The following EPS15L1 variants were observed in gnomAD, a reference collection of about 807,000 sequenced individuals.
The protein encoded by EPS15L1 is epidermal growth factor receptor pathway substrate 15 like 1.
Under a neutral mutation model 117.1 loss-of-function variants are expected in EPS15L1, and 43 were observed. The observed-to-expected ratio is 0.37, with a 90% CI of 0.29 to 0.47. The LOEUF is 0.47. EPS15L1 is among the 20% of genes least tolerant of loss of function. The pLI is 0.99. For missense variants in EPS15L1, 981 were observed against 1,164.0 expected (o/e 0.84, Z 2.29); for synonymous variants, 459 against 470.5 (o/e 0.98, Z 0.32).
chr19:16,391,288 T>C (rs2092471535), intron 19 of EPS15L1, among the ~76,000 whole-genome samples: 1 of 152,078 alleles, frequency 6.6e-6, no homozygotes. Flanking sequence ...AGCCAAAAGC[T>C]GGTTATGGGA....
At chr19:16,424,130 C>G (rs571548424) in intron 9 of EPS15L1, among the ~76,000 whole-genome samples, 46 of 152,314 alleles carry the variant, frequency 3.0e-4, no homozygotes, top group African/African-American at 1.0e-3. Context: ...ACCCTGGTGG[C>G]TGGAAGTGGC....
chr19:16,455,887 C>G (rs1004663595), intron 1 of EPS15L1, among the ~76,000 whole-genome samples: 2 of 152,150 alleles, frequency 1.3e-5, no homozygotes, highest in African/African-American at 4.8e-5. Flanking sequence ...AGCTACTGAC[C>G]TCCCCCCACC....
At chr19:16,367,977 G>C (rs536689574) in intron 22 of EPS15L1, among the ~76,000 whole-genome samples, 11 of 151,902 alleles carry the variant, frequency 7.2e-5, no homozygotes, top group African/African-American at 2.7e-4. Flanking sequence ...GAGTGAGAGA[G>C]AGAGAGAGTG....
intron 10 of EPS15L1, 140 bp from the exon 11 acceptor site, chr19:16,418,244 T>C (rs2092779728): frequency 1.1e-6 from 1 of 888,870 alleles, no homozygotes; most frequent in Admixed American, 2.8e-5. Context: ...GCTCCTTCCC[T>C]ACTTCACATC....
intron 1 of EPS15L1, among the ~76,000 whole-genome samples, chr19:16,449,734 C>T (rs900875835): frequency 6.6e-6 from 1 of 152,196 alleles, no homozygotes; most frequent in Non-Finnish European, 1.5e-5. Context: ...CTGCTCCAAA[C>T]TGGTAACACC....
intron 13 of EPS15L1, among the ~76,000 whole-genome samples, chr19:16,408,845 C>T (rs2092681395): frequency 6.6e-6 from 1 of 151,950 alleles, no homozygotes; most frequent in African/African-American, 2.4e-5. Context: ...GCTGAGGGTC[C>T]AAAAATAAAT....
At chr19:16,392,195 C>T (rs1226922665) in intron 19 of EPS15L1, 109 bp downstream of exon 19, 12 of 1,265,592 alleles carry the variant, frequency 9.5e-6, no homozygotes, top group South Asian at 5.4e-5. Context: ...GGCCCACACT[C>T]GCAGGCACCA....
chr19:16,359,408 A>ATGGATGATTT (rs1229251234), intron 23 of EPS15L1, among the ~76,000 whole-genome samples: 1 of 152,180 alleles, frequency 6.6e-6, no homozygotes, highest in Non-Finnish European at 1.5e-5. Context: ...AGAGCTGGTT[A>ATGGATGATTT]TGGATGATTT....
chr19:16,387,117 T>C (rs1435401633), intron 19 of EPS15L1, among the ~76,000 whole-genome samples: 1 of 152,088 alleles, frequency 6.6e-6, no homozygotes, highest in East Asian at 1.9e-4. Context: ...GAAAATACAC[T>C]TAAAATGAGT....
intron 21 of EPS15L1, among the ~76,000 whole-genome samples, chr19:16,378,650 A>G (rs1030082543): frequency 6.6e-6 from 1 of 152,026 alleles, no homozygotes; most frequent in African/African-American, 2.4e-5. Flanking sequence ...TGATGAGCAG[A>G]TACTAAGCGC....
rs1203690318 is a variant in EPS15L1 at position 16,456,233 on chromosome 19, G to A, written c.34-14014C>T. On this transcript the variant is annotated intron_variant, in intron 1 of 23. Transcript: ENST00000455140. The stretch of plus-strand genomic sequence containing the variant: ...CAAACAAAAAACCCTCCTGAAAAAG[G>A]GTCCACCCTTGGATTCCCCAGCTCT... Among the ~76,000 whole-genome samples the A allele has an allele frequency of 4.6e-5, 7 of 151,878 alleles. 1 individual carries two copies. The highest frequency in any genetic ancestry group is 4.6e-4 in the Admixed American group (7 of 15,240).
At chr19:16,391,558 C>T (rs1042013507) in intron 19 of EPS15L1, among the ~76,000 whole-genome samples, 7 of 151,024 alleles carry the variant, frequency 4.6e-5, no homozygotes, top group Admixed American at 2.0e-4. Flanking sequence ...GCCTAGAAAA[C>T]GGAAGAAGGC....
At chr19:16,384,212 G>A (rs1167771427) in intron 21 of EPS15L1, 2 of 152,254 alleles carry the variant, frequency 1.3e-5, no homozygotes, top group Non-Finnish European at 2.9e-5. Flanking sequence ...GGGGGCTGCC[G>A]AGAAGGGACA....
At chr19:16,456,591 G>C (rs2093198758) in intron 1 of EPS15L1, among the ~76,000 whole-genome samples, 1 of 152,086 alleles carries the variant, frequency 6.6e-6, no homozygotes, top group African/African-American at 2.4e-5. Context: ...CAGGAGGCTA[G>C]AGGTTGCAGT....
rs1479963421 is a variant in EPS15L1 at position 16,471,647 on chromosome 19, C to T, written c.33+266G>A. 2.0e-5 allele frequency among the ~76,000 whole-genome samples: 3 copies of T among 152,078 alleles called. No homozygotes were observed. Among genetic ancestry groups the T allele is most frequent in the African/African-American group, 4.8e-5 (2 of 41,432 alleles). On this transcript the variant is annotated intron_variant, in intron 1 of 23. Transcript: ENST00000455140. This position sits in a 1 kb window ranked among gnomAD's most constrained non-coding sequence, Gnocchi z 4.8. The stretch of plus-strand genomic sequence containing the variant: ...GTCCCCGGCCTGGGAGCTTCAGCGG[C>T]GGCAGGGTCCGGGCCCTGGGCGGAG...
At chr19:16,402,515 G>A (rs2092612806) in intron 15 of EPS15L1, 30 bp from the exon 16 acceptor site, 2 of 1,553,586 alleles carry the variant, frequency 1.3e-6, no homozygotes, top group South Asian at 2.4e-5. Context: ...TCAGCATTAA[G>A]CAGGGTCAGG....
At chr19:16,369,854 C>T (rs768413844) in intron 22 of EPS15L1, among the ~76,000 whole-genome samples, 3 of 152,226 alleles carry the variant, frequency 2.0e-5, no homozygotes, top group Non-Finnish European at 2.9e-5. Flanking sequence ...ACATACCCTG[C>T]GTGAACACCC....
At chr19:16,398,775 C>G (rs534127934) in intron 16 of EPS15L1, among the ~76,000 whole-genome samples, 5 of 152,252 alleles carry the variant, frequency 3.3e-5, no homozygotes, top group African/African-American at 1.2e-4. Flanking sequence ...CTGACCAGGG[C>G]AGGTTTACCT....
intron 17 of EPS15L1, among the ~76,000 whole-genome samples, chr19:16,394,609 A>G (rs973506500): frequency 1.3e-5 from 2 of 152,180 alleles, no homozygotes; most frequent in Non-Finnish European, 2.9e-5. Flanking sequence ...TTGTTTCTGG[A>G]ATTCTTAGTT....
Sources: allele counts gnomAD v4.1 joint callset (sites outside exome capture counted in the v4.1 genomes callset), GRCh38; gene constraint gnomAD v4.1.1; non-coding constraint Gnocchi (gnomAD v3.1); transcripts MANE v1.5; gene names NCBI Gene and HGNC (gene_info 2026-07-23, HGNC 2026-07-21).